Variants in ASAP1 observed in about 807,000 individuals in gnomAD.
ASAP1 encodes the protein ArfGAP with SH3 domain, ankyrin repeat and PH domain 1.
ASAP1 carries 43 observed loss-of-function variants against 145.2 expected under a neutral mutation model. The observed-to-expected ratio is 0.30, with a 90% confidence interval of 0.23 to 0.38. ASAP1 has a LOEUF of 0.38. Among genes scored for constraint, ASAP1 ranks in the 10% least tolerant of loss-of-function variants. The pLI is 1.00. For synonymous variants in ASAP1, 546 were observed against 515.5 expected, an observed-to-expected ratio of 1.06 and a Z score of -0.80; for missense variants, 1,018 against 1,355.3, an observed-to-expected ratio of 0.75 and a Z score of 3.91.
chr8:130,169,578 C>G (rs1055658738), intron 9 of ASAP1, among the ~76,000 whole-genome samples: 1 of 152,168 alleles, frequency 6.6e-6, no homozygotes, highest in Non-Finnish European at 1.5e-5. Context: ...ATTTGAAACA[C>G]AAGAATTCAA....
At chr8:130,079,642 G>A (rs575825665) in intron 26 of ASAP1, among the ~76,000 whole-genome samples, 3 of 152,180 alleles carry the variant, frequency 2.0e-5, no homozygotes, top group African/African-American at 4.8e-5. Flanking sequence ...TGCGACCACC[G>A]GGAAGTGAGG....
At chr8:130,319,468 G>T (rs1052642225) in intron 3 of ASAP1, among the ~76,000 whole-genome samples, 1 of 152,144 alleles carries the variant, frequency 6.6e-6, no homozygotes, top group Non-Finnish European at 1.5e-5. Context: ...AGGTAGTGTG[G>T]TACCCTTCTT....
intron 4 of ASAP1, among the ~76,000 whole-genome samples, chr8:130,232,447 T>C (rs1320561085): frequency 6.6e-6 from 1 of 152,168 alleles, no homozygotes; most frequent in East Asian, 1.9e-4. Flanking sequence ...CTTCAAAACT[T>C]AGAGAACAAC....
chr8:130,382,805 C>T (rs1212237161), intron 2 of ASAP1, among the ~76,000 whole-genome samples: 2 of 151,732 alleles, frequency 1.3e-5, no homozygotes, highest in Admixed American at 1.3e-4. Flanking sequence ...AGATTGCGCA[C>T]CACTGCACTT....
chr8:130,268,892 T>C (rs1340656836), intron 3 of ASAP1, among the ~76,000 whole-genome samples: 1 of 152,144 alleles, frequency 6.6e-6, no homozygotes, highest in Admixed American at 6.5e-5. Context: ...CAATGTTAGC[T>C]TACATTATGC....
intron 2 of ASAP1, among the ~76,000 whole-genome samples, chr8:130,380,515 G>A (rs1303253987): frequency 2.0e-5 from 3 of 152,204 alleles, no homozygotes; most frequent in Non-Finnish European, 4.4e-5. Flanking sequence ...CCAATGTGGT[G>A]CCTGAGGACT....
At chr8:130,342,306 T>C (rs1169859178) in intron 3 of ASAP1, among the ~76,000 whole-genome samples, 1 of 152,176 alleles carries the variant, frequency 6.6e-6, no homozygotes, top group Admixed American at 6.5e-5. Context: ...CTTCCCTCAG[T>C]TTTCTCATCT....
chr8:130,125,411 C>T (rs1227262951), intron 17 of ASAP1, among the ~76,000 whole-genome samples: 2 of 152,016 alleles, frequency 1.3e-5, no homozygotes. Flanking sequence ...TGTACATAAC[C>T]CCTTTTTTGG....
intron 2 of ASAP1, among the ~76,000 whole-genome samples, chr8:130,389,099 G>C (rs1246152163): frequency 6.6e-6 from 1 of 152,204 alleles, no homozygotes; most frequent in African/African-American, 2.4e-5. Flanking sequence ...TAAATGCTCT[G>C]TGAGCATTAG....
intron 1 of ASAP1, among the ~76,000 whole-genome samples, chr8:130,417,153 T>G (rs560918245): frequency 6.6e-6 from 1 of 151,088 alleles, no homozygotes; most frequent in Admixed American, 6.6e-5. Flanking sequence ...ATACAACCCA[T>G]GTACAACTGC....
intron 3 of ASAP1, among the ~76,000 whole-genome samples, chr8:130,294,585 A>G (rs1277306075): frequency 1.3e-5 from 2 of 152,248 alleles, no homozygotes; most frequent in Admixed American, 1.3e-4. Context: ...TAATACATCT[A>G]AAGTATGTTT....
intron 4 of ASAP1, among the ~76,000 whole-genome samples, chr8:130,226,886 G>T (rs538409918): frequency 6.6e-6 from 1 of 152,260 alleles, no homozygotes; most frequent in African/African-American, 2.4e-5. Flanking sequence ...TAATTGCAAT[G>T]CTTTGAGATG....
intron 3 of ASAP1, among the ~76,000 whole-genome samples, chr8:130,332,659 A>C (rs1824770624): frequency 6.6e-6 from 1 of 152,210 alleles, no homozygotes; most frequent in Admixed American, 6.5e-5. Context: ...AATGGCTGAA[A>C]GTAGAATAAA....
At chr8:130,246,997 C>T (rs940521600) in intron 3 of ASAP1, 1 of 152,174 alleles carries the variant, frequency 6.6e-6, no homozygotes, top group African/African-American at 2.4e-5. Context: ...TAGCCTATCA[C>T]GCGGCAAGCT....
At chr8:130,384,020 CACTCACCTGA>C (rs1186382153) in intron 2 of ASAP1, among the ~76,000 whole-genome samples, 1 of 152,212 alleles carries the variant, frequency 6.6e-6, no homozygotes, top group Admixed American at 6.5e-5. Flanking sequence ...ACGCAGGTCA[CACTCACCTGA>C]ACTCTTATTC....
In ASAP1 at chr8:130,054,647, G is replaced by A; in HGVS notation, c.*84C>T. 2 of 1,169,464 alleles carry A rather than the reference G, an allele frequency of 1.7e-6. No homozygotes were observed. The highest frequency in any genetic ancestry group is 2.6e-6 in the Non-Finnish European group (2 of 778,758). The allele number at this position is 1,169,464 out of a possible 1,614,324, so 72.4% of individuals were successfully genotyped here. A position where few individuals can be genotyped will look rare whatever the true frequency, so the allele number is the denominator to read the frequency against. On this transcript the variant is annotated 3_prime_UTR_variant, in exon 30 of 30. Transcript: ENST00000518721. ...ATGAGTTTCTTACTCTGTAACAGCA[G>A]CTATATACACACTGTGCCCAGGGTT...
At chr8:130,158,331 G>A (rs1164175113) in intron 12 of ASAP1, among the ~76,000 whole-genome samples, 2 of 150,230 alleles carry the variant, frequency 1.3e-5, no homozygotes, top group Non-Finnish European at 3.0e-5. Context: ...GCAACAAAGA[G>A]GGACCCTGCT....
chr8:130,118,822 T>G (rs1435204143), intron 18 of ASAP1, 147 bp from the exon 19 acceptor site: 5 of 487,162 alleles, frequency 1.0e-5, no homozygotes, highest in Non-Finnish European at 1.4e-5. Context: ...TAGACCAAAT[T>G]ACTCCAACAG....
At chr8:130,194,318 G>T (rs1341333667) in intron 5 of ASAP1, among the ~76,000 whole-genome samples, 1 of 151,884 alleles carries the variant, frequency 6.6e-6, no homozygotes, top group African/African-American at 2.4e-5. Flanking sequence ...ACAAAGAAAG[G>T]TTAAAGAGAA....
Sources: allele counts gnomAD v4.1 joint callset (sites outside exome capture counted in the v4.1 genomes callset), GRCh38; gene constraint gnomAD v4.1.1; transcripts MANE v1.5; gene names NCBI Gene and HGNC (gene_info 2026-07-23, HGNC 2026-07-21).